Variants in DYM observed in about 807,000 individuals in gnomAD.
DYM encodes dyggve-Melchior-Clausen syndrome protein.
DYM carries 78 observed loss-of-function variants against 93.1 expected under a neutral mutation model. That is an observed-to-expected ratio of 0.84 (90% CI 0.70 to 1.01). DYM has a LOEUF of 1.01. DYM is among the 50% of genes least tolerant of loss of function. The pLI is 0.00. For missense variants in DYM, 789 were observed against 845.0 expected (o/e 0.93, Z 0.82); for synonymous variants, 321 against 319.7 (o/e 1.00, Z -0.04).
At chr18:49,340,406 C>T (rs1032326013) in intron 6 of DYM, among the ~76,000 whole-genome samples, 16 of 151,772 alleles carry the variant, frequency 1.1e-4, no homozygotes, top group East Asian at 1.9e-4. Flanking sequence ...TGTACACATA[C>T]GAATAACATT....
intron 15 of DYM, among the ~76,000 whole-genome samples, chr18:49,134,187 T>C (rs991861197): frequency 2.0e-5 from 3 of 152,176 alleles, no homozygotes; most frequent in African/African-American, 7.2e-5. Flanking sequence ...CTTTTTTGTA[T>C]ATTTGAAAAT....
intron 15 of DYM, among the ~76,000 whole-genome samples, chr18:49,124,170 A>C (rs1429493524): frequency 6.6e-6 from 1 of 152,158 alleles, no homozygotes; most frequent in Non-Finnish European, 1.5e-5. Context: ...AGGCTAAAAT[A>C]CTGACTATTT....
chr18:49,415,321 C>CAAAAAA, intron 2 of DYM, among the ~76,000 whole-genome samples: 1 of 87,060 alleles, frequency 1.1e-5, no homozygotes, highest in Non-Finnish European at 2.0e-5. Flanking sequence ...CTGGGTCTCT[C>CAAAAAA]AAAAAAAAAA....
chr18:49,430,317 G>T lies in DYM; in HGVS notation c.78C>A (p.Ile26=), dbSNP rs1476637312. 6.2e-7 allele frequency: 1 copy of T among 1,614,072 alleles called. No individual in the cohort carries two copies. Among genetic ancestry groups the T allele is most frequent in the Non-Finnish European group, 8.5e-7 (1 of 1,180,010 alleles). The change falls in exon 2 of 18, where the codon ATC becomes ATA. Residue 26 remains isoleucine, a synonymous_variant. Transcript: ENST00000675505. ...YLKKLSGTES[I]SENDPFWNQL... ...GATTCCAGAACGGGTCATTCTCAGA[G>T]ATAGATTCCGTGCCTGATAACTTTT...
chr18:49,142,472 T>C (rs1318332195), intron 15 of DYM, among the ~76,000 whole-genome samples: 1 of 152,166 alleles, frequency 6.6e-6, no homozygotes, highest in Non-Finnish European at 1.5e-5. Context: ...AAATGAGAAT[T>C]TGAAGGGTTT....
chr18:49,239,298 C>T (rs2093958592), intron 13 of DYM, among the ~76,000 whole-genome samples: 2 of 152,174 alleles, frequency 1.3e-5, no homozygotes, highest in African/African-American at 4.8e-5. Context: ...CTATTTTGAA[C>T]AGAAGCCTGG....
intron 1 of DYM, among the ~76,000 whole-genome samples, chr18:49,443,674 A>G (rs1403766256): frequency 6.6e-6 from 1 of 152,186 alleles, no homozygotes; most frequent in Non-Finnish European, 1.5e-5. Flanking sequence ...AACTCATGAG[A>G]GCAATGAGCA....
At chr18:49,174,900 C>G (rs945350563) in intron 14 of DYM, among the ~76,000 whole-genome samples, 1 of 152,050 alleles carries the variant, frequency 6.6e-6, no homozygotes, top group African/African-American at 2.4e-5. Context: ...ATGGTTCTAA[C>G]AAATACGGAA....
chr18:49,177,955 C>T (rs1232447813), intron 14 of DYM, among the ~76,000 whole-genome samples: 2 of 152,002 alleles, frequency 1.3e-5, no homozygotes, highest in Non-Finnish European at 2.9e-5. Context: ...ACCACAAAAC[C>T]AATCATATAT....
intron 2 of DYM, among the ~76,000 whole-genome samples, chr18:49,420,845 C>T (rs908323558): frequency 7.9e-5 from 12 of 152,266 alleles, no homozygotes; most frequent in Admixed American, 5.2e-4. Context: ...TCTTAGCAAA[C>T]GGCACATCAG....
At chr18:49,150,010 C>A (rs1307350316) in intron 15 of DYM, among the ~76,000 whole-genome samples, 2 of 152,066 alleles carry the variant, frequency 1.3e-5, no homozygotes, top group Non-Finnish European at 2.9e-5. Context: ...CCCAGCCTCA[C>A]AAAGTGTTTT....
intron 8 of DYM, among the ~76,000 whole-genome samples, chr18:49,314,337 A>C (rs1368219920): frequency 6.6e-6 from 1 of 152,200 alleles, no homozygotes; most frequent in East Asian, 1.9e-4. Context: ...AGCTGTGTAC[A>C]TTGAACATAA....
At chr18:49,258,608 G>T in intron 11 of DYM, 115 bp from the exon 12 acceptor site, 1 of 725,204 alleles carries the variant, frequency 1.4e-6, no homozygotes, top group South Asian at 1.5e-5. Flanking sequence ...GAGTTAAGCA[G>T]CACAGACAGA....
chr18:49,323,321 G>A (rs1224820811), intron 8 of DYM, among the ~76,000 whole-genome samples: 6 of 152,148 alleles, frequency 3.9e-5, no homozygotes, highest in African/African-American at 7.2e-5. Context: ...GAGCTGAAAG[G>A]TACCTTAGAT....
chr18:49,196,438 T>TACACAC (rs35296321), intron 14 of DYM, among the ~76,000 whole-genome samples: 1,835 of 150,254 alleles, frequency 0.012, 22 homozygotes, highest in South Asian at 0.049. Flanking sequence ...GATCAGTGGT[T>TACACAC]ACACACACAC....
Position 49,419,825 on chromosome 18 carries a change from T to C in DYM, c.140+10430A>G, listed in dbSNP as rs542275791. 1.6e-3 allele frequency among the ~76,000 whole-genome samples: 247 copies of C among 152,328 alleles called. 2 individuals carry two copies. The highest frequency in any genetic ancestry group is 5.5e-3 in the African/African-American group (230 of 41,564). ...AGTATATTTCAATGTAAAAACCATA[T>C]ACTATAATTTGGAATAGCTTTATAA... On this transcript the variant is annotated intron_variant, in intron 2 of 17. Transcript: ENST00000675505.
chr18:49,353,464 G>A (rs1255756620), intron 6 of DYM, among the ~76,000 whole-genome samples: 1 of 152,030 alleles, frequency 6.6e-6, no homozygotes, highest in African/African-American at 2.4e-5. Context: ...TGAATGAAGG[G>A]TGTGGGAAGT....
At chr18:49,087,095 C>A (rs919451956) in intron 17 of DYM, among the ~76,000 whole-genome samples, 1 of 152,130 alleles carries the variant, frequency 6.6e-6, no homozygotes, top group African/African-American at 2.4e-5. Flanking sequence ...CATCTATAAA[C>A]CAGGAAGCAG....
Position 49,040,573 on chromosome 18 carries a change from A to T in DYM, c.*3482T>A, listed in dbSNP as rs1343658974. Among the ~76,000 whole-genome samples the T allele has an allele frequency of 6.6e-6, 1 of 152,182 alleles. No homozygotes were observed. Among genetic ancestry groups the T allele is most frequent in the African/African-American group, 2.4e-5 (1 of 41,438 alleles). ...AGAAACTGACCTCTTTGACTCCAGG[A>T]GGTGATGTAGGACACTGGAATTGTT... On this transcript the variant is annotated 3_prime_UTR_variant, in exon 18 of 18. Transcript: ENST00000675505.
Sources: allele counts gnomAD v4.1 joint callset (sites outside exome capture counted in the v4.1 genomes callset), GRCh38; gene constraint gnomAD v4.1.1; transcripts MANE v1.5; gene names NCBI Gene and HGNC (gene_info 2026-07-23, HGNC 2026-07-21).